The following ATP6V1E2 variants were observed in gnomAD, a reference collection of about 807,000 sequenced individuals.
The protein encoded by ATP6V1E2 is ATPase H+ transporting V1 subunit E2.
For synonymous variants in ATP6V1E2, 121 were observed against 104.2 expected, an observed-to-expected ratio of 1.16 and a Z score of -0.98; for missense variants, 308 against 273.3, an observed-to-expected ratio of 1.13 and a Z score of -0.90.
At chr2:46,514,777 A>G (rs961004143) in intron 4 of ATP6V1E2, among the ~76,000 whole-genome samples, 7 of 152,170 alleles carry the variant, frequency 4.6e-5, no homozygotes, top group South Asian at 2.1e-4. Context: ...CTGGGGAGGG[A>G]AATGTCTATC....
chr2:46,527,363 A>T (rs531360043), intron 4 of ATP6V1E2, among the ~76,000 whole-genome samples: 2 of 152,136 alleles, frequency 1.3e-5, no homozygotes, highest in Non-Finnish European at 2.9e-5. Context: ...CTGGGACTAC[A>T]GGCACCTGCC....
intron 4 of ATP6V1E2, among the ~76,000 whole-genome samples, chr2:46,525,001 C>G (rs564639812): frequency 6.6e-6 from 1 of 152,256 alleles, no homozygotes; most frequent in African/African-American, 2.4e-5. Context: ...GGGCAGGAGT[C>G]TTGGACTATA....
intron 2 of ATP6V1E2, among the ~76,000 whole-genome samples, chr2:46,539,229 A>G (rs187674923): frequency 8.9e-4 from 136 of 152,348 alleles, no homozygotes; most frequent in African/African-American, 2.9e-3. Flanking sequence ...ATGAGCACCA[A>G]ATACCCGGGA....
intron 4 of ATP6V1E2, among the ~76,000 whole-genome samples, chr2:46,514,263 G>A (rs1407435551): frequency 6.6e-6 from 1 of 151,822 alleles, no homozygotes; most frequent in East Asian, 1.9e-4. Context: ...TGGGTGACAA[G>A]AGTGAGACTC....
At chr2:46,515,950 TAA>T (rs1440629864) in intron 4 of ATP6V1E2, among the ~76,000 whole-genome samples, 1 of 152,156 alleles carries the variant, frequency 6.6e-6, no homozygotes, top group Non-Finnish European at 1.5e-5. Flanking sequence ...TATATAATGA[TAA>T]AAGAGTCAAT....
At chr2:46,529,560 G>A (rs1481018125) in intron 4 of ATP6V1E2, among the ~76,000 whole-genome samples, 1 of 152,164 alleles carries the variant, frequency 6.6e-6, no homozygotes, top group East Asian at 1.9e-4. Context: ...TTTGAGACCA[G>A]CCTGGGAAAC....
At chr2:46,521,449 G>A (rs1319841773) in intron 4 of ATP6V1E2, among the ~76,000 whole-genome samples, 4 of 152,182 alleles carry the variant, frequency 2.6e-5, no homozygotes, top group African/African-American at 9.7e-5. Flanking sequence ...GGTCAGATGT[G>A]TCTGGGTGTG....
chr2:46,514,493 C>T (rs920996174), intron 4 of ATP6V1E2, among the ~76,000 whole-genome samples: 2 of 151,864 alleles, frequency 1.3e-5, no homozygotes, highest in Non-Finnish European at 2.9e-5. Flanking sequence ...AAGAACCAAA[C>T]AAATTTTGGA....
chr2:46,533,883 C>T (rs547992253), intron 4 of ATP6V1E2, among the ~76,000 whole-genome samples: 3 of 152,268 alleles, frequency 2.0e-5, no homozygotes, highest in South Asian at 2.1e-4. Flanking sequence ...ACTTTAAAGA[C>T]GCGATTTCAT....
At chr2:46,514,632 A>C (rs1190864824) in intron 4 of ATP6V1E2, among the ~76,000 whole-genome samples, 1 of 152,142 alleles carries the variant, frequency 6.6e-6, no homozygotes, top group Non-Finnish European at 1.5e-5. Flanking sequence ...AAGAATGAGA[A>C]AGAGTAAAGA....
chr2:46,518,490 A>AAC (rs10546147), intron 4 of ATP6V1E2, among the ~76,000 whole-genome samples: 4,896 of 140,896 alleles, frequency 0.035, 247 homozygotes, highest in African/African-American at 0.11. Flanking sequence ...ACACACACAC[A>AAC]ACACACACAC....
At chr2:46,536,168 T>A (rs772616488) in intron 3 of ATP6V1E2, among the ~76,000 whole-genome samples, 11 of 152,160 alleles carry the variant, frequency 7.2e-5, no homozygotes, top group Non-Finnish European at 1.5e-4. Context: ...TGGCAAAACA[T>A]TAAGAGCGCT....
intron 4 of ATP6V1E2, among the ~76,000 whole-genome samples, chr2:46,524,204 T>A (rs1207611720): frequency 6.6e-6 from 1 of 152,160 alleles, no homozygotes; most frequent in Non-Finnish European, 1.5e-5. Flanking sequence ...CTCTTCCTAT[T>A]TGAATACACT....
Position 46,520,379 on chromosome 2 carries a change from C to T in ATP6V1E2, c.-101-7567G>A, listed in dbSNP as rs74990882. On this transcript the variant is annotated intron_variant, in intron 4 of 4. Coordinates refer to ENST00000522587, the MANE Select transcript of ATP6V1E2 (RefSeq NM_001318063.2). ...TGAAACGCACATGCCTGTCCTTATA[C>T]GAGGGCTCAGACACTTCTACCCTGC... Among the ~76,000 whole-genome samples the T allele has an allele frequency of 7.6e-3, 1,158 of 152,330 alleles. 11 individuals carry two copies. Among genetic ancestry groups the T allele is most frequent in the African/African-American group, 0.023 (974 of 41,568 alleles).
At chr2:46,521,175 G>A (rs1666605081) in intron 4 of ATP6V1E2, among the ~76,000 whole-genome samples, 1 of 152,210 alleles carries the variant, frequency 6.6e-6, no homozygotes, top group African/African-American at 2.4e-5. Context: ...GCCTCCCAAA[G>A]TGCTGGGATT....
At chr2:46,531,422 C>G (rs910922047) in intron 4 of ATP6V1E2, among the ~76,000 whole-genome samples, 2 of 152,204 alleles carry the variant, frequency 1.3e-5, no homozygotes, top group African/African-American at 4.8e-5. Context: ...TTTATCCATT[C>G]ACCAGTTGAT....
chr2:46,522,296 A>AAT (rs1332245404), intron 4 of ATP6V1E2, among the ~76,000 whole-genome samples: 1 of 151,250 alleles, frequency 6.6e-6, no homozygotes, highest in Non-Finnish European at 1.5e-5. Flanking sequence ...AAAAAAAAAA[A>AAT]AGGATAATGG....
intron 4 of ATP6V1E2, among the ~76,000 whole-genome samples, chr2:46,514,162 C>T (rs1176270293): frequency 6.6e-6 from 1 of 152,034 alleles, no homozygotes; most frequent in African/African-American, 2.4e-5. Context: ...TGCCTGTAAT[C>T]CCAGCTACTC....
At chr2:46,538,698 T>G (rs1010625518) in intron 2 of ATP6V1E2, among the ~76,000 whole-genome samples, 6 of 152,122 alleles carry the variant, frequency 3.9e-5, no homozygotes, top group South Asian at 2.1e-4. Context: ...CTATATTTCC[T>G]TGGACTGGCT....
Sources: allele counts gnomAD v4.1 joint callset (sites outside exome capture counted in the v4.1 genomes callset), GRCh38; gene constraint gnomAD v4.1.1; transcripts MANE v1.5; gene names NCBI Gene and HGNC (gene_info 2026-07-23, HGNC 2026-07-21).